Variants in CEP85L observed in about 807,000 individuals in gnomAD.
The protein encoded by CEP85L is centrosomal protein of 85 kDa-like.
In CEP85L, 60 loss-of-function variants were observed where a neutral mutation model predicts 100.3. That is an observed-to-expected ratio of 0.60 (90% CI 0.49 to 0.74). The LOEUF (loss-of-function observed/expected upper bound fraction) is 0.74. Ranked by LOEUF, CEP85L falls within the 30% of genes least tolerant of loss-of-function variation. The pLI, the probability that CEP85L is intolerant of heterozygous loss-of-function variation, is 0.00. For missense variants in CEP85L, 973 were observed against 936.2 expected, an observed-to-expected ratio of 1.04 and a Z score of -0.51; for synonymous variants, 319 against 322.7, an observed-to-expected ratio of 0.99 and a Z score of 0.12.
chr6:118,531,827 A>G (rs1318259667), intron 3 of CEP85L, among the ~76,000 whole-genome samples: 1 of 152,142 alleles, frequency 6.6e-6, no homozygotes, highest in Non-Finnish European at 1.5e-5. Context: ...TACCAGTCAG[A>G]ATGGTTATTA....
chr6:118,574,704 C>G lies in CEP85L; in HGVS notation c.233-8388G>C, dbSNP rs9489445. On this transcript the variant is annotated intron_variant, in intron 2 of 12. Transcript: ENST00000368491. ...TACAGATACCACGGCGACAAGGTAA[C>G]TCTGTGCACAGACCAAAGTAGGAAA... Among the ~76,000 whole-genome samples the G allele has an allele frequency of 4.4e-3, 668 of 152,298 alleles. 6 individuals carry two copies. Among genetic ancestry groups the G allele is most frequent in the African/African-American group, 0.015 (628 of 41,556 alleles).
chr6:118,528,753 T>C (rs1290981158), intron 3 of CEP85L, among the ~76,000 whole-genome samples: 1 of 152,178 alleles, frequency 6.6e-6, no homozygotes, highest in African/African-American at 2.4e-5. Flanking sequence ...GCTTTTATAA[T>C]GAAGCCAGCA....
intron 3 of CEP85L, among the ~76,000 whole-genome samples, chr6:118,549,321 T>C (rs182212665): frequency 4.6e-3 from 703 of 152,018 alleles, no homozygotes; most frequent in Non-Finnish European, 5.1e-3. Flanking sequence ...GGAATGGAGA[T>C]GCCACAATCA....
At chr6:118,588,311 T>C (rs2115106788) in intron 2 of CEP85L, among the ~76,000 whole-genome samples, 1 of 152,286 alleles carries the variant, frequency 6.6e-6, no homozygotes, top group Admixed American at 6.5e-5. Flanking sequence ...GAAAGATCAA[T>C]ACTTAATATC....
chr6:118,671,807 C>A (rs1030195752), intron 1 of CEP85L, among the ~76,000 whole-genome samples: 1 of 152,058 alleles, frequency 6.6e-6, no homozygotes. Context: ...GCATGGTGGC[C>A]TGTGCTTGTG....
chr6:118,649,843 A>G (rs1413078586), intron 1 of CEP85L, among the ~76,000 whole-genome samples: 2 of 152,212 alleles, frequency 1.3e-5, no homozygotes, highest in Admixed American at 6.5e-5. Context: ...AACATACATT[A>G]AGTGTTTCAG....
chr6:118,529,041 G>A (rs1777131210), intron 3 of CEP85L, among the ~76,000 whole-genome samples: 1 of 152,104 alleles, frequency 6.6e-6, no homozygotes, highest in South Asian at 2.1e-4. Flanking sequence ...CACTAAATGT[G>A]GAAATAAATC....
intron 1 of CEP85L, among the ~76,000 whole-genome samples, chr6:118,657,885 T>C (rs1328539083): frequency 6.6e-6 from 1 of 152,244 alleles, no homozygotes; most frequent in African/African-American, 2.4e-5. Flanking sequence ...TAATTTTAAA[T>C]CATTAAGACA....
At chr6:118,596,454 C>T (rs994351679) in intron 2 of CEP85L, among the ~76,000 whole-genome samples, 1 of 151,842 alleles carries the variant, frequency 6.6e-6, no homozygotes, top group African/African-American at 2.4e-5. Context: ...AGCACACTTA[C>T]CAAAGAACAG....
At chr6:118,623,064 G>A (rs1583183823) in intron 2 of CEP85L, among the ~76,000 whole-genome samples, 1 of 152,316 alleles carries the variant, frequency 6.6e-6, no homozygotes, top group East Asian at 1.9e-4. Context: ...CCAGCCAGTG[G>A]AAAATACTTA....
chr6:118,475,353 T>A (rs1233344005), intron 10 of CEP85L, among the ~76,000 whole-genome samples: 4 of 144,160 alleles, frequency 2.8e-5, no homozygotes, highest in African/African-American at 5.2e-5. Context: ...TGACATTTTT[T>A]TTTTTTTTTT....
At chr6:118,590,893 T>C (rs977569650) in intron 2 of CEP85L, among the ~76,000 whole-genome samples, 4 of 152,190 alleles carry the variant, frequency 2.6e-5, no homozygotes, top group African/African-American at 7.2e-5. Context: ...TGTCGTTTTA[T>C]TTAAACCGGC....
intron 2 of CEP85L, among the ~76,000 whole-genome samples, chr6:118,631,124 G>A (rs1774117852): frequency 1.3e-5 from 2 of 152,112 alleles, no homozygotes; most frequent in African/African-American, 2.4e-5. Context: ...TACTACACTA[G>A]TAGGAGATAA....
At chr6:118,642,450 C>T (rs1774938470) in intron 1 of CEP85L, among the ~76,000 whole-genome samples, 1 of 152,054 alleles carries the variant, frequency 6.6e-6, no homozygotes, top group Admixed American at 6.5e-5. Flanking sequence ...AAGTAAGAAT[C>T]AAGAATAAAG....
chr6:118,631,979 T>C (rs143531364), intron 2 of CEP85L, among the ~76,000 whole-genome samples: 1 of 152,172 alleles, frequency 6.6e-6, no homozygotes, highest in Non-Finnish European at 1.5e-5. Context: ...GAAAAACTCT[T>C]ATGACTAGAG....
chr6:118,625,739 C>G (rs1459916613), intron 2 of CEP85L, among the ~76,000 whole-genome samples: 1 of 152,120 alleles, frequency 6.6e-6, no homozygotes, highest in Non-Finnish European at 1.5e-5. Context: ...CTCTCAGGAC[C>G]CTGGAGTATA....
intron 7 of CEP85L, among the ~76,000 whole-genome samples, chr6:118,483,431 C>G (rs1582883808): frequency 1.3e-5 from 2 of 152,138 alleles, no homozygotes; most frequent in Non-Finnish European, 2.9e-5. Flanking sequence ...TGTGTGCATG[C>G]ATGTGTATGG....
intron 3 of CEP85L, among the ~76,000 whole-genome samples, chr6:118,551,281 T>G (rs550045161): frequency 1.4e-4 from 22 of 151,864 alleles, no homozygotes; most frequent in African/African-American, 4.8e-4. Flanking sequence ...GGACCTCTAG[T>G]GCCTTTGAAA....
At chr6:118,611,325 T>A (rs1006520105) in intron 2 of CEP85L, among the ~76,000 whole-genome samples, 2 of 152,138 alleles carry the variant, frequency 1.3e-5, no homozygotes, top group African/African-American at 2.4e-5. Context: ...GTATATATAA[T>A]ATACCAAGAG....
Sources: allele counts gnomAD v4.1 joint callset (sites outside exome capture counted in the v4.1 genomes callset), GRCh38; gene constraint gnomAD v4.1.1; transcripts MANE v1.5; gene names NCBI Gene and HGNC (gene_info 2026-07-23, HGNC 2026-07-21).